The following ADGRB3 variants were observed in gnomAD, a reference collection of about 807,000 sequenced individuals.
ADGRB3 encodes the protein adhesion G protein-coupled receptor B3, also known as brain-specific angiogenesis inhibitor 3.
A neutral mutation model predicts 193.4 loss-of-function variants in ADGRB3; 37 were observed. The ratio of observed to expected loss-of-function variants is 0.19; its 90% CI spans 0.15 to 0.25. The LOEUF is 0.25. Among genes scored for constraint, ADGRB3 ranks in the 10% least tolerant of loss-of-function variants. ADGRB3 has a pLI of 1.00. For synonymous variants in ADGRB3, 690 were observed against 644.2 expected (o/e 1.07, Z -1.08); for missense variants, 1,637 against 1,852.9 (o/e 0.88, Z 2.14).
intron 17 of ADGRB3, among the ~76,000 whole-genome samples, chr6:69,120,430 G>T (rs531689574): frequency 3.1e-4 from 47 of 152,330 alleles, no homozygotes; most frequent in African/African-American, 1.1e-3. Flanking sequence ...CATCTCCAAG[G>T]TATAAGGACC....
intron 3 of ADGRB3, among the ~76,000 whole-genome samples, chr6:68,713,659 C>A (rs1166100684): frequency 6.6e-6 from 1 of 151,002 alleles, no homozygotes; most frequent in Admixed American, 6.7e-5. Flanking sequence ...CCTCTTTTTG[C>A]CCCTACATTG....
chr6:68,888,540 G>GGTAC (rs1765976523), intron 3 of ADGRB3, among the ~76,000 whole-genome samples: 1 of 75,456 alleles, frequency 1.3e-5, no homozygotes, highest in African/African-American at 5.3e-5. Context: ...TTGGGTAATA[G>GGTAC]ATACACACAC....
chr6:68,824,705 A>G (rs540449869), intron 3 of ADGRB3, among the ~76,000 whole-genome samples: 7 of 149,752 alleles, frequency 4.7e-5, no homozygotes, highest in South Asian at 2.1e-4. Context: ...AAATATTTGT[A>G]TCTGTTCTTC....
chr6:68,929,520 C>A (rs1184281188), intron 3 of ADGRB3, among the ~76,000 whole-genome samples: 3 of 152,112 alleles, frequency 2.0e-5, no homozygotes, highest in Non-Finnish European at 4.4e-5. Flanking sequence ...CACACTTCAC[C>A]CAGTCATCTT....
intron 3 of ADGRB3, among the ~76,000 whole-genome samples, chr6:68,645,451 T>G (rs940523192): frequency 6.6e-6 from 1 of 152,194 alleles, no homozygotes; most frequent in African/African-American, 2.4e-5. Context: ...AGATAATACT[T>G]TTTTCTAGGT....
At chr6:69,350,156 C>T (rs1428871441) in intron 26 of ADGRB3, among the ~76,000 whole-genome samples, 1 of 152,184 alleles carries the variant, frequency 6.6e-6, no homozygotes, top group African/African-American at 2.4e-5. Context: ...GCATTTATAG[C>T]TTTTTCAGGA....
At chr6:69,281,464 C>A (rs1362645126) in intron 20 of ADGRB3, among the ~76,000 whole-genome samples, 1 of 152,174 alleles carries the variant, frequency 6.6e-6, no homozygotes, top group African/African-American at 2.4e-5. Context: ...TAATGCTGCT[C>A]ATAGAAACCC....
At position 68,838,823 on chromosome 6, in the gene ADGRB3, T is replaced by C. The variant is rs554317895; in HGVS notation, c.758-91736T>C. ...TATTTCATGTGTCAGTTTGCATTTA[T>C]TTGTTTTTCTTCTGATTCATTTCAG... On this transcript the variant is annotated intron_variant, in intron 3 of 31. Coordinates refer to ENST00000370598, the MANE Select transcript of ADGRB3 (RefSeq NM_001704.3). Among the ~76,000 whole-genome samples the C allele has an allele frequency of 3.3e-5, 5 of 152,350 alleles. No homozygotes were observed. The South Asian group carries it at 1.0e-3, about 32-fold the overall frequency.
intron 3 of ADGRB3, among the ~76,000 whole-genome samples, chr6:68,927,597 A>C (rs1767216577): frequency 6.6e-6 from 1 of 152,230 alleles, no homozygotes; most frequent in South Asian, 2.1e-4. Context: ...TCTAAAACAA[A>C]GAAGATTTTT....
chr6:69,153,130 C>T (rs771466427), intron 17 of ADGRB3, among the ~76,000 whole-genome samples: 10 of 151,844 alleles, frequency 6.6e-5, no homozygotes, highest in Admixed American at 4.6e-4. Context: ...TGAAACCCTG[C>T]ATGCAAAACA....
intron 13 of ADGRB3, among the ~76,000 whole-genome samples, chr6:69,030,806 C>T (rs896925792): frequency 6.6e-6 from 1 of 152,094 alleles, no homozygotes; most frequent in African/African-American, 2.4e-5. Flanking sequence ...TAGCCACAAA[C>T]ATTTTGGGTT....
At chr6:68,840,838 T>C (rs1338454995) in intron 3 of ADGRB3, among the ~76,000 whole-genome samples, 1 of 152,124 alleles carries the variant, frequency 6.6e-6, no homozygotes, top group Non-Finnish European at 1.5e-5. Flanking sequence ...CAAGACCTAA[T>C]GATCTGTTGC....
In ADGRB3 at chr6:69,287,438, G is replaced by T. The variant is rs1582606143; in HGVS notation, c.2815-37434G>T. Reference sequence around the variant, plus strand: ...ACCATTTCTCATGGAAGGAATGATTGCAATGAGAAAAAGAAAAAAAACTGA... The same window carrying T: ...ACCATTTCTCATGGAAGGAATGATTTCAATGAGAAAAAGAAAAAAAACTGA... On this transcript the variant is annotated intron_variant, in intron 20 of 31. Coordinates refer to ENST00000370598, the MANE Select transcript of ADGRB3 (RefSeq NM_001704.3). 3.3e-5 allele frequency among the ~76,000 whole-genome samples: 5 copies of T among 151,966 alleles called. No homozygotes were observed. The East Asian group carries it at 9.7e-4, about 29-fold the overall frequency.
At chr6:69,251,926 G>A (rs1198045958) in intron 20 of ADGRB3, among the ~76,000 whole-genome samples, 4 of 152,118 alleles carry the variant, frequency 2.6e-5, no homozygotes, top group African/African-American at 9.7e-5. Flanking sequence ...GAAGTTAAAT[G>A]TATATACAGT....
chr6:69,024,328 A>G (rs73467730), intron 13 of ADGRB3, among the ~76,000 whole-genome samples: 2,455 of 152,328 alleles, frequency 0.016, 58 homozygotes, highest in African/African-American at 0.052. Context: ...AAGTTAAGAT[A>G]AACTTTATGG....
chr6:68,969,634 C>A (rs1447045756), intron 8 of ADGRB3, among the ~76,000 whole-genome samples: 1 of 152,142 alleles, frequency 6.6e-6, no homozygotes. Flanking sequence ...TGGAGGAGAA[C>A]AGTACCACTT....
intron 11 of ADGRB3, among the ~76,000 whole-genome samples, chr6:68,994,617 A>T (rs1210745991): frequency 6.6e-6 from 1 of 152,208 alleles, no homozygotes; most frequent in Non-Finnish European, 1.5e-5. Flanking sequence ...TTGAATGGCA[A>T]ACAAAGCATA....
intron 30 of ADGRB3, among the ~76,000 whole-genome samples, chr6:69,380,164 A>G (rs909616889): frequency 9.2e-5 from 14 of 151,960 alleles, no homozygotes; most frequent in Non-Finnish European, 2.1e-4. Flanking sequence ...AATGTATTTG[A>G]TGCTTGGTTT....
At chr6:69,044,167 T>C (rs1323007109) in intron 13 of ADGRB3, among the ~76,000 whole-genome samples, 1 of 152,236 alleles carries the variant, frequency 6.6e-6, no homozygotes, top group Non-Finnish European at 1.5e-5. Flanking sequence ...CATAAGTCTG[T>C]GTGAGCTACT....
Sources: gnomAD v4.1 joint callset for allele counts (sites outside exome capture counted in the v4.1 genomes callset) on GRCh38, gnomAD v4.1.1 for gene constraint, MANE v1.5 for transcripts, NCBI Gene and HGNC (gene_info 2026-07-23, HGNC 2026-07-21) for gene names.